Variants in TSPAN12 observed in about 807,000 individuals in gnomAD.
The protein encoded by TSPAN12 is tetraspanin-12.
In TSPAN12, 19 loss-of-function variants were observed where a neutral mutation model predicts 39.2. That is an observed-to-expected ratio of 0.49 (90% confidence interval 0.34 to 0.71). The LOEUF is 0.71. Ranked by LOEUF, TSPAN12 falls within the 30% of genes least tolerant of loss-of-function variation. TSPAN12 has a pLI of 0.01. For missense variants in TSPAN12, 314 were observed against 359.9 expected (o/e 0.87, Z 1.03); for synonymous variants, 119 against 124.8 (o/e 0.95, Z 0.31).
chr7:120,808,091 C>T (rs891937438), intron 6 of TSPAN12, among the ~76,000 whole-genome samples: 3 of 152,048 alleles, frequency 2.0e-5, no homozygotes, highest in African/African-American at 7.2e-5. Flanking sequence ...AAAGAAAATC[C>T]ATTTGTCTCC....
intron 5 of TSPAN12, among the ~76,000 whole-genome samples, 177 bp from the exon 6 acceptor site, chr7:120,810,747 A>G (rs1212418147): frequency 6.6e-6 from 1 of 152,190 alleles, no homozygotes; most frequent in Non-Finnish European, 1.5e-5. Context: ...AGAGTATTCA[A>G]TGTAGTTATT....
At chr7:120,807,026 C>G (rs1289859179) in intron 6 of TSPAN12, among the ~76,000 whole-genome samples, 1 of 152,076 alleles carries the variant, frequency 6.6e-6, no homozygotes, top group Non-Finnish European at 1.5e-5. Flanking sequence ...AAGTAGGTGA[C>G]ACTTTAATCA....
chr7:120,834,718 T>G (rs1016861469), intron 4 of TSPAN12, among the ~76,000 whole-genome samples: 4 of 152,146 alleles, frequency 2.6e-5, no homozygotes, highest in African/African-American at 9.7e-5. Context: ...TACAGGGAAA[T>G]GGACAAGTTG....
At chr7:120,855,220 T>C (rs1169060953) in intron 2 of TSPAN12, among the ~76,000 whole-genome samples, 2 of 152,202 alleles carry the variant, frequency 1.3e-5, no homozygotes, top group Non-Finnish European at 2.9e-5. Flanking sequence ...AAAGACACTG[T>C]CTAGGGGCAA....
chr7:120,831,194 G>C (rs1466151954), intron 4 of TSPAN12, among the ~76,000 whole-genome samples: 2 of 152,008 alleles, frequency 1.3e-5, no homozygotes, highest in Non-Finnish European at 2.9e-5. Flanking sequence ...TACACTGTTT[G>C]AGTAAATATA....
intron 4 of TSPAN12, among the ~76,000 whole-genome samples, chr7:120,836,184 G>A (rs887054416): frequency 1.7e-4 from 26 of 152,202 alleles, no homozygotes; most frequent in Admixed American, 6.5e-4. Flanking sequence ...GGGATGTGGG[G>A]AGGAAGCCAG....
chr7:120,853,154 G>A (rs1794801832), intron 2 of TSPAN12, among the ~76,000 whole-genome samples: 1 of 151,230 alleles, frequency 6.6e-6, no homozygotes, highest in Non-Finnish European at 1.5e-5. Context: ...AGTGCAGTGG[G>A]GCAATCTCTG....
chr7:120,839,953 A>ACCAT lies in TSPAN12; in HGVS notation c.149+70_149+73dup, dbSNP rs1794546822. 1.3e-5 allele frequency: 16 copies of ACCAT among 1,224,814 alleles called. No individual in the cohort carries two copies. In the South Asian group the frequency reaches 1.9e-4, roughly 15 times the overall value. 75.9% of individuals were successfully genotyped at this position (1,224,814 alleles called of 1,614,324 possible). A position where few individuals can be genotyped will look rare whatever the true frequency, so the allele number is the denominator to read the frequency against. On this transcript the variant is annotated intron_variant, in intron 3 of 7. Transcript: ENST00000222747. ...TTCCAAAAGATCAAGGAAGAGCACT[A>ACCAT]CCATATAAATAGCTGAGGGCAAAGT...
intron 6 of TSPAN12, among the ~76,000 whole-genome samples, chr7:120,809,673 A>G (rs1240981597): frequency 6.6e-6 from 1 of 152,200 alleles, no homozygotes; most frequent in African/African-American, 2.4e-5. Flanking sequence ...TTCAATCACA[A>G]GGAAACTGCT....
chr7:120,837,822 G>C (rs1160034676), intron 4 of TSPAN12, among the ~76,000 whole-genome samples: 1 of 152,158 alleles, frequency 6.6e-6, no homozygotes, highest in Non-Finnish European at 1.5e-5. Flanking sequence ...GAGCCAATTT[G>C]TACTCATCTG....
chr7:120,787,915 A>C lies in TSPAN12; in HGVS notation c.*677T>G, dbSNP rs1238873558. 1 of 153,126 alleles carries C rather than the reference A, an allele frequency of 6.5e-6. No homozygotes were observed. Among genetic ancestry groups the C allele is most frequent in the Non-Finnish European group, 1.5e-5 (1 of 68,452 alleles). 9.5% of individuals were successfully genotyped at this position (153,126 alleles called of 1,614,324 possible). On this transcript the variant is annotated 3_prime_UTR_variant, in exon 8 of 8. Transcript: ENST00000222747. ...TAAAAATAATGATGCTATACAGGAC[A>C]AATTTTCCTTTTCATAATGGTTATT...
At chr7:120,831,156 G>A (rs1490440695) in intron 4 of TSPAN12, among the ~76,000 whole-genome samples, 1 of 151,968 alleles carries the variant, frequency 6.6e-6, no homozygotes, top group African/African-American at 2.4e-5. Context: ...ACAAATGTTG[G>A]CAAGGCTGTG....
At chr7:120,844,706 C>CT (rs977772009) in intron 2 of TSPAN12, among the ~76,000 whole-genome samples, 1 of 152,208 alleles carries the variant, frequency 6.6e-6, no homozygotes, top group African/African-American at 2.4e-5. Flanking sequence ...CCTGTGGTTC[C>CT]GCAGGGTACA....
chr7:120,822,862 C>G (rs1794214043), intron 4 of TSPAN12, among the ~76,000 whole-genome samples: 1 of 152,212 alleles, frequency 6.6e-6, no homozygotes, highest in South Asian at 2.1e-4. Flanking sequence ...ACTAGAAACA[C>G]AGAATTGAAG....
chr7:120,822,157 G>A (rs1412077592), intron 4 of TSPAN12, among the ~76,000 whole-genome samples: 2 of 152,086 alleles, frequency 1.3e-5, no homozygotes, highest in Non-Finnish European at 2.9e-5. Flanking sequence ...TCCTATTTAA[G>A]CCCTTGGGGA....
chr7:120,806,098 G>A (rs1232476174), intron 7 of TSPAN12, among the ~76,000 whole-genome samples: 1 of 151,994 alleles, frequency 6.6e-6, no homozygotes, highest in Admixed American at 6.6e-5. Context: ...AGGGGGAGCT[G>A]GAGAGTAGCA....
chr7:120,817,790 T>C (rs898073459), intron 4 of TSPAN12, among the ~76,000 whole-genome samples: 10 of 152,152 alleles, frequency 6.6e-5, no homozygotes, highest in Non-Finnish European at 1.5e-4. Context: ...TATTCCATTC[T>C]ATTTACAGTG....
intron 2 of TSPAN12, among the ~76,000 whole-genome samples, chr7:120,847,094 A>T (rs1794683974): frequency 6.6e-6 from 1 of 152,158 alleles, no homozygotes; most frequent in African/African-American, 2.4e-5. Flanking sequence ...GAAGCCACTG[A>T]ATTTTGAATT....
Position 120,840,697 on chromosome 7 carries a change from TACTCA to T in TSPAN12, c.67-593_67-589del, listed in dbSNP as rs371179481. Among the ~76,000 whole-genome samples, 1,081 of 152,346 alleles carry T rather than the reference TACTCA, an allele frequency of 7.1e-3. 18 individuals carry two copies. The highest frequency in any genetic ancestry group is 0.025 in the African/African-American group (1,030 of 41,570). On this transcript the variant is annotated intron_variant, in intron 2 of 7. Transcript: ENST00000222747. ...TCTCTGGTCTTTGTAGAAAGTTGAA[TACTCA>T]ACTCATTATTCAGAAAACTGACAAG...
Sources: gnomAD v4.1 joint callset for allele counts (sites outside exome capture counted in the v4.1 genomes callset) on GRCh38, gnomAD v4.1.1 for gene constraint, MANE v1.5 for transcripts, NCBI Gene and HGNC (gene_info 2026-07-23, HGNC 2026-07-21) for gene names.